The following KPNA6 variants were observed in gnomAD, a reference collection of about 807,000 sequenced individuals.
KPNA6 encodes the protein karyopherin subunit alpha 6.
In KPNA6, 9 loss-of-function variants were observed where a neutral mutation model predicts 72.0. The ratio of observed to expected loss-of-function variants is 0.13; its 90% CI spans 0.08 to 0.22. The LOEUF is 0.22. KPNA6 is among the 10% of genes least tolerant of loss of function. The pLI is 1.00. For synonymous variants in KPNA6, 219 were observed against 242.1 expected (o/e 0.90, Z 0.89); for missense variants, 374 against 655.7 (o/e 0.57, Z 4.69).
At chr1:32,137,921 G>GA (rs1192744526) in intron 1 of KPNA6, among the ~76,000 whole-genome samples, 15 of 152,186 alleles carry the variant, frequency 9.9e-5, no homozygotes, top group Admixed American at 3.9e-4. Context: ...GATCACTTGA[G>GA]GTCAGGAGTT....
chr1:32,118,997 CATATAT>C lies in KPNA6; in HGVS notation c.4+10894_4+10899del, dbSNP rs71578197. Among the ~76,000 whole-genome samples, 169 of 59,804 alleles carry C rather than the reference CATATAT, an allele frequency of 2.8e-3. 5 individuals are homozygous for C. The highest frequency in any genetic ancestry group is 0.016 in the Middle Eastern group (1 of 62). The allele number at this position is 59,804 out of a possible 152,430, so 39.2% of individuals were successfully genotyped here. Reference sequence around the variant, plus strand: ...ATGTGTGTGTGTGTGTGTGTGTATACATATATATATATATATATATATATATATATA... The same window carrying C: ...ATGTGTGTGTGTGTGTGTGTGTATACATATATATATATATATATATATATA... On this transcript the variant is annotated intron_variant, in intron 1 of 13. Coordinates refer to ENST00000373625, the MANE Select transcript of KPNA6 (RefSeq NM_012316.5).
chr1:32,155,123 A>G (rs1317994497), intron 2 of KPNA6, among the ~76,000 whole-genome samples: 3 of 150,328 alleles, frequency 2.0e-5, no homozygotes, highest in Non-Finnish European at 4.4e-5. Context: ...AAAAAAAAAA[A>G]AAAAAAAAAA....
Position 32,113,486 on chromosome 1 carries a change from C to T in KPNA6, c.4+5352C>T, listed in dbSNP as rs115680974. ...TTATTTATTAAGACAGGGTCTCACT[C>T]TGTCACACAGGCTGGAATGCAGTGG... is the stretch of plus-strand genomic sequence containing the variant. On this transcript the variant is annotated intron_variant, in intron 1 of 13. Coordinates refer to ENST00000373625, the MANE Select transcript of KPNA6 (RefSeq NM_012316.5). Among the ~76,000 whole-genome samples, 1,028 of 152,214 alleles carry T rather than the reference C, an allele frequency of 6.8e-3. 11 individuals carry two copies. Among genetic ancestry groups the T allele is most frequent in the African/African-American group, 0.024 (992 of 41,510 alleles).
At chr1:32,143,588 A>AG (rs1166709607) in intron 1 of KPNA6, among the ~76,000 whole-genome samples, 9 of 110,102 alleles carry the variant, frequency 8.2e-5, no homozygotes, top group African/African-American at 3.5e-4. Flanking sequence ...AAAAAAAAAG[A>AG]AAAGAAAAAA....
intron 1 of KPNA6, among the ~76,000 whole-genome samples, chr1:32,137,294 C>T (rs1641751618): frequency 6.6e-6 from 1 of 152,148 alleles, no homozygotes; most frequent in Non-Finnish European, 1.5e-5. Context: ...CGAGCTCAGC[C>T]TCCCGAGTTG....
At chr1:32,118,967 T>G (rs1010359171) in intron 1 of KPNA6, among the ~76,000 whole-genome samples, 1 of 131,418 alleles carries the variant, frequency 7.6e-6, no homozygotes, top group African/African-American at 2.9e-5. Flanking sequence ...TGTCAAGCCA[T>G]ATATATGTGT....
chr1:32,147,180 C>G (rs1485286202), intron 1 of KPNA6, among the ~76,000 whole-genome samples: 2 of 152,134 alleles, frequency 1.3e-5, no homozygotes, highest in Non-Finnish European at 2.9e-5. Context: ...AACAAAGCCC[C>G]TCAGCTTTTG....
At chr1:32,163,762 C>G (rs1043786456) in intron 10 of KPNA6, among the ~76,000 whole-genome samples, 6 of 152,176 alleles carry the variant, frequency 3.9e-5, no homozygotes, top group Non-Finnish European at 8.8e-5. Context: ...TTCCCCTGCT[C>G]AAAGGCTAGA....
In KPNA6 at chr1:32,175,026, C is replaced by T. The variant is rs1304544464; in HGVS notation, c.*4132C>T. On this transcript the variant is annotated 3_prime_UTR_variant, in exon 14 of 14. Transcript: ENST00000373625. ...GGATCCATGTAGTGGGCACTAGCTG[C>T]TCTTTGGCCAAGGCCTTCATAAATG... 6.6e-6 allele frequency: 1 copy of T among 152,226 alleles called. No individual in the cohort carries two copies. Among genetic ancestry groups the T allele is most frequent in the Non-Finnish European group, 1.5e-5 (1 of 68,046 alleles). The allele number at this position is 152,226 out of a possible 1,614,324, so 9.4% of individuals were successfully genotyped here. A position where few individuals can be genotyped will look rare whatever the true frequency, so the allele number is the denominator to read the frequency against.
intron 1 of KPNA6, among the ~76,000 whole-genome samples, chr1:32,137,104 A>G (rs535622079): frequency 2.0e-4 from 31 of 152,334 alleles, no homozygotes; most frequent in African/African-American, 7.2e-4. Flanking sequence ...GGTAGCTGAC[A>G]TGCCAAAATG....
intron 1 of KPNA6, among the ~76,000 whole-genome samples, chr1:32,137,058 T>G (rs1641747507): frequency 6.6e-6 from 1 of 152,198 alleles, no homozygotes; most frequent in Non-Finnish European, 1.5e-5. Context: ...CAATGAAAAT[T>G]ATGTAAGTGC....
intron 1 of KPNA6, among the ~76,000 whole-genome samples, chr1:32,125,846 T>C (rs572151652): frequency 6.6e-6 from 1 of 152,172 alleles, no homozygotes; most frequent in East Asian, 1.9e-4. Flanking sequence ...CCCTGTATAG[T>C]CAAATATTAT....
rs990256211 is a variant in KPNA6 at position 32,176,281 on chromosome 1, G to A, written c.*5387G>A. 3 of 151,838 alleles carry A rather than the reference G, an allele frequency of 2.0e-5. No homozygotes were observed. Among genetic ancestry groups the A allele is most frequent in the African/African-American group, 4.8e-5 (2 of 41,322 alleles). 9.4% of individuals were successfully genotyped at this position (151,838 alleles called of 1,614,324 possible). A position where few individuals can be genotyped will look rare whatever the true frequency, so the allele number is the denominator to read the frequency against. On this transcript the variant is annotated 3_prime_UTR_variant, in exon 14 of 14. Coordinates refer to ENST00000373625, the MANE Select transcript of KPNA6 (RefSeq NM_012316.5). ...TTGGGTTACCAGCTATGGACCCTTGGAAGATGAATCTAATCCTTCTCACTG... is the reference window on the plus strand; with the variant it reads ...TTGGGTTACCAGCTATGGACCCTTGAAAGATGAATCTAATCCTTCTCACTG...
chr1:32,167,204 C>T lies in KPNA6; in HGVS notation c.1152C>T (p.Ile384=), dbSNP rs377121386. Residue 384 remains isoleucine, a synonymous_variant, in exon 12 of 14, where the codon ATC becomes ATT. Transcript: ENST00000373625. ...ATGCAAATATCTTCCCTGTGTTGAT[C>T]GAAATCCTTCAGAAAGCAGAGTTTC... ...VIDANIFPVL[I]EILQKAEFRT... 163 of 1,613,892 alleles carry T rather than the reference C, an allele frequency of 1.0e-4. 1 individual carries two copies. The highest frequency in any genetic ancestry group is 1.2e-4 in the Non-Finnish European group (142 of 1,179,972).
At chr1:32,119,032 A>ATATATATATATATATATT (rs1167325052) in intron 1 of KPNA6, among the ~76,000 whole-genome samples, 3 of 40,280 alleles carry the variant, frequency 7.4e-5, no homozygotes, top group African/African-American at 1.0e-4. Context: ...ATATATATAT[A>ATATATATATATATATATT]TTTTTTTTTT....
chr1:32,115,717 G>A (rs1049740979), intron 1 of KPNA6, among the ~76,000 whole-genome samples: 1 of 152,016 alleles, frequency 6.6e-6, no homozygotes, highest in African/African-American at 2.4e-5. Context: ...GAGTCACTGA[G>A]TTTGGCCTCC....
chr1:32,130,915 A>T (rs745720413), intron 1 of KPNA6, among the ~76,000 whole-genome samples: 1 of 152,150 alleles, frequency 6.6e-6, no homozygotes, highest in Non-Finnish European at 1.5e-5. Context: ...ATTAATTTGG[A>T]CCCCTGCCTC....
In KPNA6 at chr1:32,176,233, A is replaced by G. The variant is rs907359423; in HGVS notation, c.*5339A>G. Reference sequence around the variant, plus strand: ...TAATGGAGTCCCAGCCACTCAAGAGACTGGATATCCCCCGAGAATGGCTTG... The same window carrying G: ...TAATGGAGTCCCAGCCACTCAAGAGGCTGGATATCCCCCGAGAATGGCTTG... On this transcript the variant is annotated 3_prime_UTR_variant, in exon 14 of 14. Coordinates refer to ENST00000373625, the MANE Select transcript of KPNA6 (RefSeq NM_012316.5). The G allele has an allele frequency of 1.3e-5, 2 of 152,060 alleles. No individual in the cohort carries two copies. Among genetic ancestry groups the G allele is most frequent in the African/African-American group, 4.8e-5 (2 of 41,378 alleles). 9.4% of individuals were successfully genotyped at this position (152,060 alleles called of 1,614,324 possible).
At chr1:32,154,146 CA>C (rs960270047) in intron 1 of KPNA6, among the ~76,000 whole-genome samples, 47 of 135,972 alleles carry the variant, frequency 3.5e-4, no homozygotes, top group Admixed American at 9.7e-4. Context: ...GACCCTGTCT[CA>C]AAAAAAAAAA....
Sources: gnomAD v4.1 joint callset for allele counts (sites outside exome capture counted in the v4.1 genomes callset) on GRCh38, gnomAD v4.1.1 for gene constraint, MANE v1.5 for transcripts, NCBI Gene and HGNC (gene_info 2026-07-23, HGNC 2026-07-21) for gene names.